Variants in NWD2 observed in about 807,000 individuals in gnomAD.
NWD2 encodes NACHT and WD repeat domain containing 2.
NWD2 carries 37 observed loss-of-function variants against 132.7 expected under a neutral mutation model. The ratio of observed to expected loss-of-function variants is 0.28; its 90% CI spans 0.21 to 0.37. NWD2 has a LOEUF of 0.37. NWD2 is among the 10% of genes least tolerant of loss of function. The pLI is 1.00. For synonymous variants in NWD2, 705 were observed against 803.0 expected (o/e 0.88, Z 2.06); for missense variants, 1,592 against 2,122.4 (o/e 0.75, Z 4.91).
At position 37,439,967 on chromosome 4, in the gene NWD2, G is replaced by A. The variant is rs561230904; in HGVS notation, c.1296+577G>A. On this transcript the variant is annotated intron_variant, in intron 6 of 6. Coordinates refer to ENST00000309447, the MANE Select transcript of NWD2 (RefSeq NM_001144990.2). The surrounding 1 kb of genome is among the most constrained non-coding windows in gnomAD (Gnocchi z 4.5). ...AGTTTAGGGGATATGGGAAAGGTAA[G>A]GTGGCCAGAAAGTTATTACGTAACC... is the stretch of plus-strand genomic sequence containing the variant. Among the ~76,000 whole-genome samples the A allele has an allele frequency of 6.6e-6, 1 of 152,292 alleles. No individual in the cohort carries two copies. Among genetic ancestry groups the A allele is most frequent in the South Asian group, 2.1e-4 (1 of 4,830 alleles).
At chr4:37,328,493 T>G (rs1430938867) in intron 2 of NWD2, among the ~76,000 whole-genome samples, 1 of 151,084 alleles carries the variant, frequency 6.6e-6, no homozygotes, top group African/African-American at 2.4e-5. Context: ...GAACATACGG[T>G]GTTTGGTTTT....
chr4:37,437,688 C>T (rs891703414), intron 5 of NWD2, among the ~76,000 whole-genome samples: 1 of 152,082 alleles, frequency 6.6e-6, no homozygotes, highest in African/African-American at 2.4e-5. Context: ...CATTCATTTC[C>T]ATTAGCTTAT....
At chr4:37,393,716 A>G (rs531625478) in intron 3 of NWD2, among the ~76,000 whole-genome samples, 34 of 152,142 alleles carry the variant, frequency 2.2e-4, no homozygotes, top group Non-Finnish European at 4.3e-4. Flanking sequence ...CCCTTCTGCT[A>G]TATATATTCT....
At chr4:37,425,697 C>T (rs1305139785) in intron 3 of NWD2, among the ~76,000 whole-genome samples, 1 of 152,138 alleles carries the variant, frequency 6.6e-6, no homozygotes. Flanking sequence ...CCAAGTGTTT[C>T]CCTACAAACT....
intron 3 of NWD2, among the ~76,000 whole-genome samples, chr4:37,373,034 T>G (rs571404063): frequency 2.6e-5 from 4 of 152,234 alleles, no homozygotes; most frequent in Non-Finnish European, 5.9e-5. Context: ...ATTTTTAAGA[T>G]ATATGGAGTT....
chr4:37,433,011 C>T (rs1182298745), intron 4 of NWD2, among the ~76,000 whole-genome samples: 3 of 152,306 alleles, frequency 2.0e-5, no homozygotes, highest in Non-Finnish European at 4.4e-5. Flanking sequence ...TTCTCCACTT[C>T]GGGATCTGTG....
chr4:37,435,545 A>G (rs1217704632), intron 5 of NWD2, among the ~76,000 whole-genome samples: 2 of 152,124 alleles, frequency 1.3e-5, no homozygotes, highest in Admixed American at 1.3e-4. Context: ...TTTATCAAAG[A>G]CAGAACAACC....
At chr4:37,421,882 A>G (rs1318259827) in intron 3 of NWD2, among the ~76,000 whole-genome samples, 1 of 152,144 alleles carries the variant, frequency 6.6e-6, no homozygotes, top group South Asian at 2.1e-4. Context: ...GAAGTTTAAG[A>G]TTAGGGTGCC....
chr4:37,275,093 G>A (rs568383504), intron 1 of NWD2, among the ~76,000 whole-genome samples: 6 of 152,276 alleles, frequency 3.9e-5, no homozygotes, highest in African/African-American at 9.6e-5. Flanking sequence ...AACCAGGCAG[G>A]AGAAGGAAAT....
intron 1 of NWD2, among the ~76,000 whole-genome samples, chr4:37,302,579 A>G (rs1718631363): frequency 6.6e-6 from 1 of 152,106 alleles, no homozygotes; most frequent in South Asian, 2.1e-4. Context: ...TTCCATAAAC[A>G]ATGTACAAGA....
chr4:37,299,293 A>G (rs1006765395), intron 1 of NWD2, among the ~76,000 whole-genome samples: 6 of 152,118 alleles, frequency 3.9e-5, no homozygotes, highest in African/African-American at 1.2e-4. Flanking sequence ...CATTTTCAAG[A>G]CCATCAGTAA....
At position 37,411,535 on chromosome 4, in the gene NWD2, A is replaced by T. The variant is rs371799926; in HGVS notation, c.358-19037A>T. On this transcript the variant is annotated intron_variant, in intron 3 of 6. Transcript: ENST00000309447. ...AAAGTCCAGGACCAGACAGATACAT[A>T]GCCAAATTCTACCAGAGATACAAAG... 5.3e-5 allele frequency among the ~76,000 whole-genome samples: 8 copies of T among 152,354 alleles called. No individual in the cohort carries two copies. The South Asian group carries it at 1.5e-3, about 28-fold the overall frequency.
At chr4:37,426,744 A>C (rs780329083) in intron 3 of NWD2, among the ~76,000 whole-genome samples, 3 of 152,196 alleles carry the variant, frequency 2.0e-5, no homozygotes, top group South Asian at 4.2e-4. Context: ...TGTTCTTTCC[A>C]TCTGAGAATG....
At chr4:37,319,281 A>G (rs1322447252) in intron 1 of NWD2, among the ~76,000 whole-genome samples, 2 of 152,128 alleles carry the variant, frequency 1.3e-5, no homozygotes, top group East Asian at 3.9e-4. Context: ...TCTTTTGAGA[A>G]GTACCTCTTC....
chr4:37,427,017 A>C (rs973575476), intron 3 of NWD2, among the ~76,000 whole-genome samples: 2 of 151,688 alleles, frequency 1.3e-5, no homozygotes. Context: ...CCCAAAACCC[A>C]GCTGGTCTTG....
At chr4:37,249,981 T>C (rs1003477539) in intron 1 of NWD2, among the ~76,000 whole-genome samples, 3 of 152,194 alleles carry the variant, frequency 2.0e-5, no homozygotes, top group Non-Finnish European at 4.4e-5. Context: ...TGCTTGAACT[T>C]GCTTCCCCAC....
chr4:37,259,676 A>G (rs1489629604), intron 1 of NWD2, among the ~76,000 whole-genome samples: 1 of 152,148 alleles, frequency 6.6e-6, no homozygotes, highest in African/African-American at 2.4e-5. Context: ...GGCCTCACCT[A>G]GAGGACAGCA....
chr4:37,378,090 C>A (rs1560408095), intron 3 of NWD2, among the ~76,000 whole-genome samples: 1 of 152,130 alleles, frequency 6.6e-6, no homozygotes, highest in Non-Finnish European at 1.5e-5. Flanking sequence ...AAATGGATTT[C>A]TAAGCCTAAC....
intron 2 of NWD2, among the ~76,000 whole-genome samples, chr4:37,337,258 T>G (rs1719428453): frequency 6.6e-6 from 1 of 152,182 alleles, no homozygotes; most frequent in Non-Finnish European, 1.5e-5. Flanking sequence ...TTAATAGTCC[T>G]CATCTTAGTG....
Sources: gnomAD v4.1 joint callset for allele counts (sites outside exome capture counted in the v4.1 genomes callset) on GRCh38, gnomAD v4.1.1 for gene constraint, Gnocchi (gnomAD v3.1) non-coding constraint, MANE v1.5 for transcripts, NCBI Gene and HGNC (gene_info 2026-07-23, HGNC 2026-07-21) for gene names.